The following GAS5 variants were observed in gnomAD, a reference collection of about 807,000 sequenced individuals.
GAS5 encodes the protein growth arrest specific 5 (non-protein coding).
At chr1:173,864,716 G>T (rs1198193265) in intron 6 of GAS5, 2 of 463,102 alleles carry the variant, frequency 4.3e-6, no homozygotes, top group Non-Finnish European at 4.3e-6. Flanking sequence ...TGAAATTAAG[G>T]GACAATACAC....
intron 5 of GAS5, chr1:173,865,793 A>G: frequency 1.9e-6 from 1 of 516,836 alleles, no homozygotes; most frequent in South Asian, 1.4e-5. Context: ...CCATTAGCTC[A>G]GCAGTAAGCA....
chr1:173,866,489 T>C, intron 3 of GAS5: 1 of 657,910 alleles, frequency 1.5e-6, no homozygotes, highest in Admixed American at 2.0e-5. Context: ...TATTTTCTAA[T>C]CCCTTAAAAG....
chr1:173,864,183 TGA>T (rs747617182), intron 7 of GAS5: 33 of 518,366 alleles, frequency 6.4e-5, no homozygotes, highest in African/African-American at 1.2e-4. Flanking sequence ...AAGTAATCAG[TGA>T]GAGAGTTCAA....
chr1:173,864,368 T>C (rs775886225), intron 6 of GAS5: 1 of 518,984 alleles, frequency 1.9e-6, no homozygotes, highest in South Asian at 1.4e-5. Context: ...GTTAGTAGAG[T>C]AACCTCAGAA....
chr1:173,866,774 C>G (rs1654753092), exon 2 of GAS5: 1 of 765,256 alleles, frequency 1.3e-6, no homozygotes, highest in Non-Finnish European at 2.4e-6. Flanking sequence ...AGTAGCTATT[C>G]TCATCCTTCC....
At chr1:173,868,725 C>T (rs891874477), upstream of GAS5, 3 of 152,992 alleles carry the variant, frequency 2.0e-5, no homozygotes, top group Non-Finnish European at 4.4e-5. Context: ...GAGCCGGTCC[C>T]TGGGCGCCGC....
chr1:173,868,798 C>T (rs1033558385), upstream of GAS5: 1 of 153,130 alleles, frequency 6.5e-6, no homozygotes, highest in Non-Finnish European at 1.5e-5. Flanking sequence ...CCATCTTCTC[C>T]GAAGTTCCTC....
intron 3 of GAS5, chr1:173,866,478 C>A: frequency 1.5e-6 from 1 of 646,882 alleles, no homozygotes; most frequent in Admixed American, 2.0e-5. Context: ...ATTGCTTTGG[C>A]TATTTTCTAA....
upstream of GAS5, chr1:173,867,875 G>A (rs751150870): frequency 5.5e-5 from 24 of 435,144 alleles, no homozygotes; most frequent in Non-Finnish European, 9.3e-5. Flanking sequence ...GACTGGCTTA[G>A]AAGTCCCAGT....
At chr1:173,867,986 A>G, upstream of GAS5, 1 of 329,904 alleles carries the variant, frequency 3.0e-6, no homozygotes, top group South Asian at 2.4e-5. Flanking sequence ...CCTACCTCGA[A>G]AAGACAGTAT....
chr1:173,865,701 A>C (rs750596949), intron 5 of GAS5: 13 of 519,118 alleles, frequency 2.5e-5, no homozygotes, highest in South Asian at 1.8e-4. Flanking sequence ...CCCGTTCCAA[A>C]CATGCTCAAG....
chr1:173,867,271 G>GT (rs1170455051), upstream of GAS5: 4 of 503,244 alleles, frequency 7.9e-6, no homozygotes, highest in East Asian at 1.3e-4. Context: ...TGTAATCCCA[G>GT]TATGTTGGGG....
intron 3 of GAS5, chr1:173,866,516 G>C (rs1270919701): frequency 1.3e-5 from 9 of 696,170 alleles, no homozygotes; most frequent in Non-Finnish European, 2.1e-5. Context: ...GTACAAAATA[G>C]AGGTGTCTCA....
upstream of GAS5, chr1:173,867,235 G>T: frequency 1.9e-6 from 1 of 529,168 alleles, no homozygotes; most frequent in Admixed American, 3.6e-5. Context: ...ACCACCGATG[G>T]CGGCCGGGCG....
chr1:173,867,621 G>A (rs917442674), upstream of GAS5: 11 of 518,370 alleles, frequency 2.1e-5, no homozygotes, highest in Non-Finnish European at 3.9e-5. Flanking sequence ...ACGGCTGATG[G>A]AGGCTCGGGT....
chr1:173,867,811 A>G (rs1040669986), upstream of GAS5: 26 of 517,182 alleles, frequency 5.0e-5, no homozygotes, highest in Admixed American at 4.9e-4. Context: ...TCACGCATGC[A>G]CCATATGTGC....
chr1:173,864,202 T>C (rs1366937001), intron 7 of GAS5: 5 of 518,302 alleles, frequency 9.6e-6, no homozygotes, highest in South Asian at 4.2e-5. Flanking sequence ...TCAAGTTGGA[T>C]TGAGATCATC....
upstream of GAS5, chr1:173,868,069 G>A (rs1028314067): frequency 1.2e-5 from 2 of 170,624 alleles, no homozygotes; most frequent in African/African-American, 4.7e-5. Context: ...CGTCCGCTTC[G>A]GCTCCTCCCC....
At chr1:173,865,076 G>GT (rs1412198340) in intron 6 of GAS5, 2 of 351,428 alleles carry the variant, frequency 5.7e-6, no homozygotes, top group Admixed American at 8.1e-5. Flanking sequence ...TCACATGCCT[G>GT]TAATCCCAGC....
Sources: gnomAD v4.1 joint callset for allele counts on GRCh38, gnomAD v4.1.1 for gene constraint, MANE v1.5 for transcripts, NCBI Gene and HGNC (gene_info 2026-07-23, HGNC 2026-07-21) for gene names.